NR5A2: variants seen among roughly 807,000 people sequenced by gnomAD.
The protein encoded by NR5A2 is CYP7A promoter-binding factor.
In NR5A2, 26 loss-of-function variants were observed where a neutral mutation model predicts 62.7. The observed-to-expected ratio is 0.41, with a 90% CI of 0.30 to 0.58. The LOEUF (loss-of-function observed/expected upper bound fraction) is 0.58, where lower values mean the gene tolerates loss of function less well. NR5A2 is among the 20% of genes least tolerant of loss of function. The pLI is 0.22. For missense variants in NR5A2, 541 were observed against 669.1 expected (o/e 0.81, Z 2.11); for synonymous variants, 246 against 241.7 (o/e 1.02, Z -0.16).
At chr1:200,076,038 G>A (rs1664018637) in intron 5 of NR5A2, among the ~76,000 whole-genome samples, 1 of 152,114 alleles carries the variant, frequency 6.6e-6, no homozygotes, top group Non-Finnish European at 1.5e-5. Context: ...TTGAGGGTGG[G>A]TGAGGAAGTT....
intron 7 of NR5A2, chr1:200,148,054 C>T (rs531012803): frequency 3.4e-6 from 1 of 297,982 alleles, no homozygotes; most frequent in East Asian, 9.3e-5. Context: ...CGCACGGTCC[C>T]CATGCAGTCG....
chr1:200,073,684 AACACAC>A (rs138372828), intron 5 of NR5A2, among the ~76,000 whole-genome samples: 2 of 151,006 alleles, frequency 1.3e-5, no homozygotes, highest in African/African-American at 2.4e-5. Flanking sequence ...GCCCCACTGA[AACACAC>A]ACACACACAC....
At chr1:200,165,653 T>A (rs1653867584) in intron 7 of NR5A2, among the ~76,000 whole-genome samples, 1 of 152,196 alleles carries the variant, frequency 6.6e-6, no homozygotes. Flanking sequence ...ACATTTACGT[T>A]TCCTCCATGT....
At chr1:200,107,743 A>G (rs1426325053) in intron 5 of NR5A2, among the ~76,000 whole-genome samples, 1 of 152,028 alleles carries the variant, frequency 6.6e-6, no homozygotes, top group Non-Finnish European at 1.5e-5. Flanking sequence ...GGGTTCAAGC[A>G]ATTCTCCTGT....
In NR5A2 at chr1:200,147,872, C is replaced by T. The variant is rs751308700; in HGVS notation, c.1379-26091C>T. 9.5e-6 allele frequency: 4 copies of T among 419,754 alleles called. No individual in the cohort carries two copies. The highest frequency in any genetic ancestry group is 2.1e-5 in the African/African-American group (1 of 48,492). The allele number at this position is 419,754 out of a possible 1,614,324, so 26.0% of individuals were successfully genotyped here. A position where few individuals can be genotyped will look rare whatever the true frequency, so the allele number is the denominator to read the frequency against. On this transcript the variant is annotated intron_variant, in intron 7 of 7. Transcript: ENST00000367362. This position sits in a 1 kb window ranked among gnomAD's most constrained non-coding sequence, Gnocchi z 4.9. ...ATGGCCACCTGCTTGTAGGCGCAGT[C>T]CCCGGAGCGGTGGCCGGCGCGCGGG...
chr1:200,130,327 A>G (rs1175697147), intron 7 of NR5A2, among the ~76,000 whole-genome samples: 1 of 146,650 alleles, frequency 6.8e-6, no homozygotes, highest in Admixed American at 6.8e-5. Flanking sequence ...AGAAGAAAAA[A>G]AAAATCCAAC....
chr1:200,104,251 C>T (rs534569472), intron 5 of NR5A2, among the ~76,000 whole-genome samples: 6 of 152,242 alleles, frequency 3.9e-5, no homozygotes, highest in South Asian at 4.2e-4. Context: ...TTGACTAGGG[C>T]GTTTTACTGG....
intron 7 of NR5A2, among the ~76,000 whole-genome samples, chr1:200,142,052 T>C (rs528730022): frequency 6.6e-6 from 1 of 152,260 alleles, no homozygotes; most frequent in Non-Finnish European, 1.5e-5. Context: ...TACTGTGTCT[T>C]CTAGTTTTTA....
At chr1:200,056,349 C>G (rs1280167562) in intron 5 of NR5A2, among the ~76,000 whole-genome samples, 1 of 152,080 alleles carries the variant, frequency 6.6e-6, no homozygotes, top group Non-Finnish European at 1.5e-5. Context: ...GAAAGTACAC[C>G]AGTCACCTCA....
chr1:200,084,593 T>G (rs973697325), intron 5 of NR5A2, among the ~76,000 whole-genome samples: 2 of 152,204 alleles, frequency 1.3e-5, no homozygotes, highest in Non-Finnish European at 2.9e-5. Context: ...TACAGCTAAA[T>G]GAGACCCATT....
intron 5 of NR5A2, among the ~76,000 whole-genome samples, chr1:200,106,853 T>A (rs1398861895): frequency 1.3e-5 from 2 of 152,228 alleles, no homozygotes; most frequent in African/African-American, 2.4e-5. Flanking sequence ...CTATTTTTTT[T>A]ATTCATAGAG....
At chr1:200,127,633 T>C (rs1167359753) in intron 7 of NR5A2, among the ~76,000 whole-genome samples, 7 of 133,108 alleles carry the variant, frequency 5.3e-5, no homozygotes, top group Non-Finnish European at 1.1e-4. Flanking sequence ...GCTGAGATTG[T>C]GCCATTGCAC....
intron 5 of NR5A2, among the ~76,000 whole-genome samples, chr1:200,074,736 C>CAAAAAAAAAAAAA (rs199556915): frequency 3.6e-4 from 24 of 67,538 alleles, no homozygotes; most frequent in East Asian, 2.7e-3. Flanking sequence ...GAGTCCATCT[C>CAAAAAAAAAAAAA]AAAAAAAAAA....
At chr1:200,132,471 TC>T (rs752901825) in intron 7 of NR5A2, among the ~76,000 whole-genome samples, 1 of 152,218 alleles carries the variant, frequency 6.6e-6, no homozygotes, top group Non-Finnish European at 1.5e-5. Context: ...CTCTTGTCTT[TC>T]TTTCTGTTCC....
At chr1:200,154,629 G>A (rs1427474527) in intron 7 of NR5A2, among the ~76,000 whole-genome samples, 1 of 152,170 alleles carries the variant, frequency 6.6e-6, no homozygotes, top group African/African-American at 2.4e-5. Context: ...TGAGGCAGGA[G>A]GAACACACAA....
intron 5 of NR5A2, among the ~76,000 whole-genome samples, chr1:200,101,130 T>C (rs58359972): frequency 1.7e-3 from 254 of 152,350 alleles, no homozygotes; most frequent in African/African-American, 6.0e-3. Context: ...ATATTTACTG[T>C]TGAATTATTG....
intron 7 of NR5A2, among the ~76,000 whole-genome samples, chr1:200,122,768 T>C (rs982874660): frequency 1.3e-5 from 2 of 152,236 alleles, no homozygotes; most frequent in African/African-American, 4.8e-5. Flanking sequence ...GTCTATTTGT[T>C]GCTTAAGGAA....
At position 200,130,859 on chromosome 1, in the gene NR5A2, T is replaced by C. The variant is rs1457954946; in HGVS notation, c.1378+9904T>C. Among the ~76,000 whole-genome samples the C allele has an allele frequency of 2.0e-5, 3 of 152,322 alleles. No homozygotes were observed. In the East Asian group the frequency reaches 5.8e-4, roughly 29 times the overall value. Reference sequence around the variant, plus strand: ...TACCTCACATCTTTACCCAAGAGCATTGGTTAAATTGTTCTTCATGAAGTC... The same window carrying C: ...TACCTCACATCTTTACCCAAGAGCACTGGTTAAATTGTTCTTCATGAAGTC... On this transcript the variant is annotated intron_variant, in intron 7 of 7. Transcript: ENST00000367362.
At chr1:200,124,528 T>A (rs1487097501) in intron 7 of NR5A2, among the ~76,000 whole-genome samples, 1 of 152,346 alleles carries the variant, frequency 6.6e-6, no homozygotes, top group East Asian at 1.9e-4. Flanking sequence ...TCTCTGTGTA[T>A]AACATCATAG....
Sources: allele counts gnomAD v4.1 joint callset (sites outside exome capture counted in the v4.1 genomes callset), GRCh38; gene constraint gnomAD v4.1.1; non-coding constraint Gnocchi (gnomAD v3.1); transcripts MANE v1.5; gene names NCBI Gene and HGNC (gene_info 2026-07-23, HGNC 2026-07-21).